The following TIA1 variants were observed in gnomAD, a reference collection of about 807,000 sequenced individuals.
TIA1 encodes cytotoxic granule associated RNA binding protein TIA1.
TIA1 carries 23 observed loss-of-function variants against 65.9 expected under a neutral mutation model. That is an observed-to-expected ratio of 0.35 (90% CI 0.25 to 0.49). TIA1 has a LOEUF of 0.49. Ranked by LOEUF, TIA1 falls within the 20% of genes least tolerant of loss-of-function variation. TIA1 has a pLI of 0.98. For synonymous variants in TIA1, 147 were observed against 149.4 expected (o/e 0.98, Z 0.12); for missense variants, 371 against 477.9 (o/e 0.78, Z 2.09).
intron 1 of TIA1, among the ~76,000 whole-genome samples, chr2:70,247,769 A>T (rs1695046983): frequency 2.0e-5 from 3 of 152,200 alleles, no homozygotes; most frequent in Admixed American, 2.0e-4. Context: ...CTTCTGGGTG[A>T]GATTTCCAAA....
chr2:70,248,524 G>C lies in TIA1; in HGVS notation c.-94C>G. The C allele has an allele frequency of 6.3e-7, 1 of 1,579,742 alleles. No homozygotes were observed. Among genetic ancestry groups the C allele is most frequent in the Non-Finnish European group, 8.6e-7 (1 of 1,164,868 alleles). On this transcript the variant is annotated 5_prime_UTR_variant, in exon 1 of 13. Transcript: ENST00000433529. The stretch of plus-strand genomic sequence containing the variant: ...AGCGGTTATGGCTACAGGATAGTGG[G>C]GTTTCTCGGCTGACCAGAGGTTACT...
At chr2:70,239,619 A>G (rs1690792528) in intron 1 of TIA1, among the ~76,000 whole-genome samples, 1 of 152,312 alleles carries the variant, frequency 6.6e-6, no homozygotes, top group Non-Finnish European at 1.5e-5. Context: ...TGTGGAATCA[A>G]TTTCTTCTTT....
At chr2:70,224,058 C>T (rs1426200031) in intron 7 of TIA1, among the ~76,000 whole-genome samples, 1 of 152,134 alleles carries the variant, frequency 6.6e-6, no homozygotes, top group Non-Finnish European at 1.5e-5. Flanking sequence ...GCTGGGACTA[C>T]AGGCGCCTGC....
intron 7 of TIA1, among the ~76,000 whole-genome samples, chr2:70,223,071 G>A (rs1004361077): frequency 6.6e-6 from 1 of 152,206 alleles, no homozygotes; most frequent in African/African-American, 2.4e-5. Flanking sequence ...ACATTCAACA[G>A]TGATTTTTAT....
chr2:70,226,179 T>C (rs1683712796), intron 6 of TIA1, among the ~76,000 whole-genome samples: 1 of 151,980 alleles, frequency 6.6e-6, no homozygotes, highest in Admixed American at 6.6e-5. Context: ...CCAATAATCA[T>C]GGGACCATAA....
At position 70,216,418 on chromosome 2, in the gene TIA1, G is replaced by C. The variant is rs1394892029; in HGVS notation, c.665C>G (p.Thr222Ser). The change falls in exon 9 of 13, where the codon ACT (threonine) becomes AGT (serine). Residue 222 changes from threonine (T) to serine (S), a missense_variant. Physicochemically the swap from Thr to Ser is moderately conservative, Grantham distance 58. Coordinates refer to ENST00000433529, the MANE Select transcript of TIA1 (RefSeq NM_022173.4). ...GGCTCCCATACCTGTTAGCCCAGAA[G>C]TAACACCTCCACAGTATACAGTACA... ...SNCTVYCGGVTSGLTEQLMRQ... is the reference protein window; with the variant it reads ...SNCTVYCGGVSSGLTEQLMRQ... 1 of 1,612,380 alleles carries C rather than the reference G, an allele frequency of 6.2e-7. No homozygotes were observed. Among genetic ancestry groups the C allele is most frequent in the Non-Finnish European group, 8.5e-7 (1 of 1,179,476 alleles).
chr2:70,209,868 C>T lies in TIA1; in HGVS notation c.*2851G>A. 2.5e-6 allele frequency: 1 copy of T among 396,616 alleles called. No individual in the cohort carries two copies. Among genetic ancestry groups the T allele is most frequent in the Non-Finnish European group, 4.4e-6 (1 of 225,374 alleles). The allele number at this position is 396,616 out of a possible 1,614,324, so 24.6% of individuals were successfully genotyped here. A position where few individuals can be genotyped will look rare whatever the true frequency, so the allele number is the denominator to read the frequency against. On this transcript the variant is annotated 3_prime_UTR_variant, in exon 13 of 13. Coordinates refer to ENST00000433529, the MANE Select transcript of TIA1 (RefSeq NM_022173.4). ...GTAAACCTGTCTTTGTACATGCAAT[C>T]TAGTTCTTACCAACTGCCTTCTCAA...
chr2:70,241,260 T>C (rs983123674), intron 1 of TIA1, among the ~76,000 whole-genome samples: 1 of 151,944 alleles, frequency 6.6e-6, no homozygotes, highest in Non-Finnish European at 1.5e-5. Context: ...GCCAACATAG[T>C]GAAACCCCGT....
At chr2:70,228,706 G>C in intron 5 of TIA1, 1 of 985,374 alleles carries the variant, frequency 1.0e-6, no homozygotes, top group African/African-American at 1.7e-5. Context: ...ACAACATTTT[G>C]GATTGCTCTT....
At chr2:70,222,901 G>A (rs955271942) in intron 7 of TIA1, among the ~76,000 whole-genome samples, 2 of 152,064 alleles carry the variant, frequency 1.3e-5, no homozygotes, top group African/African-American at 2.4e-5. Flanking sequence ...GCAACAGAGC[G>A]AAACTCCGTC....
In TIA1 at chr2:70,248,606, A is replaced by G. The variant is rs901729644; in HGVS notation, c.-176T>C. On this transcript the variant is annotated 5_prime_UTR_variant, in exon 1 of 13. Coordinates refer to ENST00000433529, the MANE Select transcript of TIA1 (RefSeq NM_022173.4). ...ACCGCCCGGCCCAGCGGGAACAATG[A>G]AACCCCAATACAAGATGGCGGCGAG... The G allele has an allele frequency of 5.7e-6, 5 of 872,210 alleles. No homozygotes were observed. Among genetic ancestry groups the G allele is most frequent in the Admixed American group, 2.2e-5 (1 of 45,072 alleles). 54.0% of individuals were successfully genotyped at this position (872,210 alleles called of 1,614,324 possible).
In TIA1 at chr2:70,244,751, C is replaced by T. The variant is rs775441655; in HGVS notation, c.26+3654G>A. ...TCCGGAGGCTGAGGCAGGAGAATGG[C>T]GTGAACCTGGAAGGCAGAGCTTGCA... is the stretch of plus-strand genomic sequence containing the variant. On this transcript the variant is annotated intron_variant, in intron 1 of 12. Transcript: ENST00000433529. Among the ~76,000 whole-genome samples the T allele has an allele frequency of 3.2e-4, 45 of 139,076 alleles. No individual in the cohort carries two copies. In the Middle Eastern group the frequency reaches 0.015, roughly 46 times the overall value. The allele number at this position is 139,076 out of a possible 152,430, so 91.2% of individuals were successfully genotyped here.
intron 7 of TIA1, 108 bp downstream of exon 7, chr2:70,224,446 A>T: frequency 6.8e-7 from 1 of 1,477,338 alleles, no homozygotes; most frequent in South Asian, 1.2e-5. Context: ...GGTTTATTTT[A>T]ATCATCAGTA....
At position 70,248,596 on chromosome 2, in the gene TIA1, G is replaced by C. The variant is rs111759046; in HGVS notation, c.-166C>G. On this transcript the variant is annotated 5_prime_UTR_variant, in exon 1 of 13. Transcript: ENST00000433529. ...ATTACACTAAACCGCCCGGCCCAGC[G>C]GGAACAATGAAACCCCAATACAAGA... 4 of 976,056 alleles carry C rather than the reference G, an allele frequency of 4.1e-6. No individual in the cohort carries two copies. The East Asian group carries it at 7.9e-5, about 19-fold the overall frequency. The allele number at this position is 976,056 out of a possible 1,614,324, so 60.5% of individuals were successfully genotyped here. A position where few individuals can be genotyped will look rare whatever the true frequency, so the allele number is the denominator to read the frequency against.
chr2:70,233,635 G>A (rs1285657384), intron 2 of TIA1, among the ~76,000 whole-genome samples: 4 of 151,916 alleles, frequency 2.6e-5, no homozygotes, highest in Admixed American at 6.6e-5. Context: ...GTGTGGTGGC[G>A]CATGCCTGTA....
upstream of TIA1, chr2:70,248,694 C>T (rs919259065): frequency 9.1e-6 from 5 of 552,074 alleles, no homozygotes; most frequent in East Asian, 2.9e-5. Context: ...TAATCTTGCA[C>T]TCTCAACCTC....
rs115708900 is a variant in TIA1 at position 70,235,746 on chromosome 2, T to C, written c.123+333A>G. On this transcript the variant is annotated intron_variant, in intron 2 of 12. Coordinates refer to ENST00000433529, the MANE Select transcript of TIA1 (RefSeq NM_022173.4). Reference sequence around the variant, plus strand: ...AGAGCTGAATTTATTAGCCAACCAGTTGACACCACATATAAACATTTCTGA... The same window carrying C: ...AGAGCTGAATTTATTAGCCAACCAGCTGACACCACATATAAACATTTCTGA... Among the ~76,000 whole-genome samples, 301 of 152,340 alleles carry C rather than the reference T, an allele frequency of 2.0e-3. 1 individual carries two copies. Among genetic ancestry groups the C allele is most frequent in the African/African-American group, 7.1e-3 (295 of 41,582 alleles).
Position 70,212,807 on chromosome 2 carries a change from T to C in TIA1, c.1073A>G (p.Tyr358Cys), listed in dbSNP as rs1676833896. 2 of 1,614,068 alleles carry C rather than the reference T, an allele frequency of 1.2e-6. No individual in the cohort carries two copies. Among genetic ancestry groups the C allele is most frequent in the Non-Finnish European group, 1.7e-6 (2 of 1,179,982 alleles). Reference protein sequence around the residue: ...QSSAPWMGPNYGVQPPQGQNG... With the variant: ...QSSAPWMGPNCGVQPPQGQNG... ...TTGCCCTTGAGGCGGTTGCACTCCA[T>C]AATTTGGTCCCATCCATGGTGCAGA... Residue 358 changes from tyrosine to cysteine, a missense_variant, in exon 13 of 13, where the codon TAT (tyrosine) becomes TGT (cysteine). Coordinates refer to ENST00000433529, the MANE Select transcript of TIA1 (RefSeq NM_022173.4).
intron 2 of TIA1, among the ~76,000 whole-genome samples, chr2:70,231,807 C>T (rs1686427703): frequency 6.6e-6 from 1 of 152,176 alleles, no homozygotes; most frequent in Admixed American, 6.5e-5. Context: ...GGTAAATAGG[C>T]TCTGAAAACT....
Sources: allele counts gnomAD v4.1 joint callset (sites outside exome capture counted in the v4.1 genomes callset), GRCh38; gene constraint gnomAD v4.1.1; transcripts MANE v1.5; gene names NCBI Gene and HGNC (gene_info 2026-07-23, HGNC 2026-07-21).